The following CNTN4 variants were observed in gnomAD, a reference collection of about 807,000 sequenced individuals.
CNTN4 encodes contactin-4.
A neutral mutation model predicts 122.5 loss-of-function variants in CNTN4; 77 were observed. The ratio of observed to expected loss-of-function variants is 0.63; its 90% CI spans 0.52 to 0.76. The LOEUF (loss-of-function observed/expected upper bound fraction) is 0.76. Ranked by LOEUF, CNTN4 falls within the 30% of genes least tolerant of loss-of-function variation. CNTN4 has a pLI of 0.00. For missense variants in CNTN4, 1,256 were observed against 1,259.1 expected (o/e 1.00, Z 0.04); for synonymous variants, 512 against 447.0 (o/e 1.15, Z -1.83).
intron 3 of CNTN4, among the ~76,000 whole-genome samples, chr3:2,512,931 G>T (rs2076931933): frequency 6.6e-6 from 1 of 152,162 alleles, no homozygotes; most frequent in African/African-American, 2.4e-5. Context: ...AGATTTGGTG[G>T]AGAGGAACTG....
chr3:2,610,578 T>C (rs2081438530), intron 4 of CNTN4, among the ~76,000 whole-genome samples: 5 of 152,196 alleles, frequency 3.3e-5, no homozygotes, highest in Admixed American at 3.3e-4. Context: ...CTTTACACTT[T>C]GTGTATTTTG....
At chr3:2,323,204 A>T (rs1465861238) in intron 2 of CNTN4, among the ~76,000 whole-genome samples, 1 of 152,176 alleles carries the variant, frequency 6.6e-6, no homozygotes, top group Non-Finnish European at 1.5e-5. Context: ...TGATTATTAC[A>T]GGATGAAGTC....
intron 7 of CNTN4, among the ~76,000 whole-genome samples, chr3:2,824,473 A>C (rs139609267): frequency 6.6e-6 from 1 of 151,884 alleles, no homozygotes; most frequent in Non-Finnish European, 1.5e-5. Flanking sequence ...AACAAAAACA[A>C]AAACAAAAAC....
intron 2 of CNTN4, among the ~76,000 whole-genome samples, chr3:2,251,560 C>G (rs2040380232): frequency 6.6e-6 from 1 of 151,768 alleles, no homozygotes; most frequent in African/African-American, 2.4e-5. Flanking sequence ...ATTTGACTTT[C>G]CCTTCACTTT....
rs141484665 is a variant in CNTN4 at position 2,900,529 on chromosome 3, G to A, written c.941-156G>A. Among the ~76,000 whole-genome samples, 456 of 152,266 alleles carry A rather than the reference G, an allele frequency of 3.0e-3. 1 individual carries two copies. Among genetic ancestry groups the A allele is most frequent in the Non-Finnish European group, 5.5e-3 (373 of 68,024 alleles). On this transcript the variant is annotated intron_variant, in intron 10 of 24. Coordinates refer to ENST00000418658, the MANE Select transcript of CNTN4 (RefSeq NM_175607.3). ...AAATGGTATTCAGAGTAGGGTATAG[G>A]CACCTCCCTGAATGTCTCCCCAGTC... is the stretch of plus-strand genomic sequence containing the variant.
At chr3:2,797,570 C>T (rs2675326) in intron 6 of CNTN4, among the ~76,000 whole-genome samples, 88,689 of 151,920 alleles carry the variant, frequency 0.58, 26,260 homozygotes, top group South Asian at 0.74. Flanking sequence ...TGCACTCCAG[C>T]CTGGGCAACA....
chr3:2,719,086 C>A (rs189143020), intron 4 of CNTN4, among the ~76,000 whole-genome samples: 2 of 152,240 alleles, frequency 1.3e-5, no homozygotes, highest in East Asian at 3.9e-4. Context: ...AGTTACTAAC[C>A]ATCAGCTTGT....
At chr3:2,333,650 G>A (rs890000969) in intron 2 of CNTN4, among the ~76,000 whole-genome samples, 8 of 152,282 alleles carry the variant, frequency 5.3e-5, no homozygotes, top group South Asian at 2.1e-4. Context: ...GATAGTATTC[G>A]TTGTGAAATG....
At chr3:2,489,315 A>T (rs2151649400) in intron 3 of CNTN4, among the ~76,000 whole-genome samples, 1 of 152,322 alleles carries the variant, frequency 6.6e-6, no homozygotes, top group Middle Eastern at 3.4e-3. Flanking sequence ...CCTCACCAAG[A>T]TTTGGGTAAC....
chr3:2,480,437 A>C (rs2075959205), intron 3 of CNTN4, among the ~76,000 whole-genome samples: 2 of 152,260 alleles, frequency 1.3e-5, no homozygotes, highest in African/African-American at 4.8e-5. Context: ...CATTGTTAAC[A>C]TAGACCAGTA....
At chr3:2,948,966 C>T (rs1202325559) in intron 13 of CNTN4, among the ~76,000 whole-genome samples, 1 of 152,114 alleles carries the variant, frequency 6.6e-6, no homozygotes, top group South Asian at 2.1e-4. Flanking sequence ...CTTCCAGTGA[C>T]TTCCCATTCA....
chr3:2,746,919 C>T (rs756698808), intron 6 of CNTN4, among the ~76,000 whole-genome samples: 8 of 152,092 alleles, frequency 5.3e-5, no homozygotes, highest in Non-Finnish European at 7.4e-5. Flanking sequence ...TAATACAAGT[C>T]TTGTATCTAT....
intron 2 of CNTN4, among the ~76,000 whole-genome samples, chr3:2,316,157 G>A (rs1026045480): frequency 3.3e-5 from 5 of 151,858 alleles, no homozygotes; most frequent in Non-Finnish European, 7.4e-5. Flanking sequence ...TGATGATTAT[G>A]GTGAAATGAA....
chr3:2,157,459 G>A (rs2035770130), intron 2 of CNTN4, among the ~76,000 whole-genome samples: 1 of 152,066 alleles, frequency 6.6e-6, no homozygotes, highest in African/African-American at 2.4e-5. Context: ...GCTTAGGGAA[G>A]GAGTTCCTGG....
At chr3:2,155,529 A>T (rs1167433257) in intron 2 of CNTN4, among the ~76,000 whole-genome samples, 6 of 152,206 alleles carry the variant, frequency 3.9e-5, no homozygotes, top group South Asian at 2.1e-4. Flanking sequence ...CTTTTGCCTG[A>T]CTTGACTGAA....
chr3:2,528,295 T>C (rs1194657634), intron 3 of CNTN4, among the ~76,000 whole-genome samples: 3 of 152,212 alleles, frequency 2.0e-5, no homozygotes, highest in Non-Finnish European at 4.4e-5. Context: ...ACATTTGAAA[T>C]TGTTATTTCT....
chr3:2,113,769 A>C (rs1380005152), intron 2 of CNTN4, among the ~76,000 whole-genome samples: 1 of 152,198 alleles, frequency 6.6e-6, no homozygotes, highest in Non-Finnish European at 1.5e-5. Flanking sequence ...TTTGAAAATC[A>C]CTGGAGGGAG....
intron 3 of CNTN4, among the ~76,000 whole-genome samples, chr3:2,445,887 G>A (rs1025795430): frequency 2.6e-5 from 4 of 152,026 alleles, no homozygotes; most frequent in Non-Finnish European, 4.4e-5. Flanking sequence ...CAGAGATGGG[G>A]GAAGCCTACA....
chr3:2,272,290 G>A (rs1474589702), intron 2 of CNTN4, among the ~76,000 whole-genome samples: 1 of 151,894 alleles, frequency 6.6e-6, no homozygotes, highest in East Asian at 1.9e-4. Context: ...GCCTTACTAA[G>A]ATTTTTAACA....
Sources: allele counts gnomAD v4.1 joint callset (sites outside exome capture counted in the v4.1 genomes callset), GRCh38; gene constraint gnomAD v4.1.1; transcripts MANE v1.5; gene names NCBI Gene and HGNC (gene_info 2026-07-23, HGNC 2026-07-21).